Variants in SDAD1 observed in about 807,000 individuals in gnomAD.
The protein encoded by SDAD1 is SDA1 domain containing 1.
In SDAD1, 79 loss-of-function variants were observed where a neutral mutation model predicts 100.3. The observed-to-expected ratio is 0.79, with a 90% CI of 0.66 to 0.95. The LOEUF is 0.95. SDAD1 is among the 40% of genes least tolerant of loss of function. The pLI is 0.00. For missense variants in SDAD1, 790 were observed against 810.9 expected (o/e 0.97, Z 0.31); for synonymous variants, 267 against 271.4 (o/e 0.98, Z 0.16).
At chr4:75,982,157 CAA>C in intron 1 of SDAD1, 120 bp from the exon 2 acceptor site, 2 of 612,710 alleles carry the variant, frequency 3.3e-6, no homozygotes, top group South Asian at 4.5e-5. Flanking sequence ...AAAGATAATG[CAA>C]AAGTATATAA....
At chr4:75,966,463 G>A (rs953548387) in intron 12 of SDAD1, among the ~76,000 whole-genome samples, 2 of 152,154 alleles carry the variant, frequency 1.3e-5, no homozygotes, top group South Asian at 2.1e-4. Context: ...TTAATGTGAG[G>A]ATTAGACAAA....
rs563281125 is a variant in SDAD1, at chr4:75,957,631, A to G, written c.1656T>C (p.Thr552=). 3.7e-6 allele frequency: 6 copies of G among 1,614,168 alleles called. No homozygotes were observed. Among genetic ancestry groups the G allele is most frequent in the Admixed American group, 1.7e-5 (1 of 60,012 alleles). ...AAAISTSRVL[T]QEDFQKIRMA... ...TGCGGATTTTCTGGAAGTCTTCCTG[A>G]GTTAAAACTCGGCTAGTGCTGATGG... is the stretch of plus-strand genomic sequence containing the variant. Residue 552 remains threonine, a synonymous_variant, in exon 19 of 22, where the codon ACT becomes ACC. Transcript: ENST00000356260.
chr4:75,964,710 C>A (rs1729442095), intron 13 of SDAD1, among the ~76,000 whole-genome samples: 1 of 152,144 alleles, frequency 6.6e-6, no homozygotes, highest in East Asian at 1.9e-4. Context: ...GAAGCCATGG[C>A]AGAAGAACAT....
rs547696048 is a variant in SDAD1, at chr4:75,957,776, C to G, written c.1579-68G>C. The G allele has an allele frequency of 2.5e-6, 4 of 1,611,722 alleles. No individual in the cohort carries two copies. The African/African-American group carries it at 5.3e-5, about 22-fold the overall frequency. On this transcript the variant is annotated intron_variant, in intron 18 of 21. Transcript: ENST00000356260. ...AGAGCTCAGCCATTTAAATTGTAGC[C>G]TCCCAACAAGGCCCAGAATAAATTA...
chr4:75,975,087 T>C (rs1730085890), intron 6 of SDAD1, among the ~76,000 whole-genome samples: 2 of 151,616 alleles, frequency 1.3e-5, no homozygotes, highest in South Asian at 4.2e-4. Context: ...AAAACTGTAA[T>C]ACAGAAAAAT....
Position 75,965,696 on chromosome 4 carries a change from C to T in SDAD1, c.1104+68G>A, listed in dbSNP as rs888106029. 3 of 1,324,974 alleles carry T rather than the reference C, an allele frequency of 2.3e-6. No homozygotes were observed. The African/African-American group carries it at 4.4e-5, about 19-fold the overall frequency. The allele number at this position is 1,324,974 out of a possible 1,614,324, so 82.1% of individuals were successfully genotyped here. A position where few individuals can be genotyped will look rare whatever the true frequency, so the allele number is the denominator to read the frequency against. On this transcript the variant is annotated intron_variant, in intron 13 of 21. Transcript: ENST00000356260. The stretch of plus-strand genomic sequence containing the variant: ...TCGGGGGCAGGTTCCCCCGATAGAC[C>T]CTGAAGTACCTAACAGTAACACTGT...
intron 1 of SDAD1, among the ~76,000 whole-genome samples, chr4:75,984,028 G>T (rs1246141883): frequency 1.3e-5 from 2 of 151,948 alleles, no homozygotes; most frequent in African/African-American, 2.4e-5. Context: ...TTCCCAACAC[G>T]TTTTATTAAA....
At position 75,957,255 on chromosome 4, in the gene SDAD1, A is replaced by C. The variant is rs1338285150; in HGVS notation, c.1854+70T>G. 3.0e-6 allele frequency: 4 copies of C among 1,319,268 alleles called. No individual in the cohort carries two copies. The African/African-American group carries it at 5.9e-5, about 19-fold the overall frequency. 81.7% of individuals were successfully genotyped at this position (1,319,268 alleles called of 1,614,324 possible). ...TTAAAAATTGCCATTCTGTGGCTAT[A>C]CAAGTTCTGGCTTATGTTTCATTTT... On this transcript the variant is annotated intron_variant, in intron 20 of 21. Coordinates refer to ENST00000356260, the MANE Select transcript of SDAD1 (RefSeq NM_018115.4).
chr4:75,966,838 C>G (rs1052505336), intron 12 of SDAD1, among the ~76,000 whole-genome samples: 1 of 152,160 alleles, frequency 6.6e-6, no homozygotes, highest in African/African-American at 2.4e-5. Flanking sequence ...GGCACAATCT[C>G]GGCTCACAGC....
chr4:75,974,205 A>C, intron 6 of SDAD1, 72 bp from the exon 7 acceptor site: 2 of 1,176,428 alleles, frequency 1.7e-6, no homozygotes, highest in South Asian at 2.5e-5. Context: ...ACAATGGCAC[A>C]AAATAAATGA....
chr4:75,986,157 C>G lies in SDAD1; in HGVS notation c.91-4120G>C, dbSNP rs547691360. On this transcript the variant is annotated intron_variant, in intron 1 of 21. Transcript: ENST00000356260. ...TTTTAGAGCCAAGGTCCTGCTCTGTCGCCCAGGTTTCCGTGCAGTGGTGCT... is the reference window on the plus strand; with the variant it reads ...TTTTAGAGCCAAGGTCCTGCTCTGTGGCCCAGGTTTCCGTGCAGTGGTGCT... Among the ~76,000 whole-genome samples the G allele has an allele frequency of 5.9e-5, 9 of 152,136 alleles. No homozygotes were observed. In the South Asian group the frequency reaches 1.9e-3, roughly 32 times the overall value.
At chr4:75,970,220 G>T in intron 10 of SDAD1, 89 bp downstream of exon 10, 2 of 1,054,010 alleles carry the variant, frequency 1.9e-6, no homozygotes, top group Non-Finnish European at 2.9e-6. Context: ...AAATGCCAGG[G>T]ATCTTATATT....
chr4:75,960,969 A>C, intron 16 of SDAD1, 59 bp downstream of exon 16: 2 of 1,398,046 alleles, frequency 1.4e-6, no homozygotes, highest in Non-Finnish European at 2.0e-6. Context: ...AATTGTAGGA[A>C]ATTTCTCTCA....
chr4:75,965,950 C>T, intron 12 of SDAD1, 128 bp from the exon 13 acceptor site: 1 of 693,736 alleles, frequency 1.4e-6, no homozygotes, highest in East Asian at 2.8e-5. Context: ...AACACTCAAT[C>T]CCCAGATATC....
In SDAD1 at chr4:75,965,766, C is replaced by T; in HGVS notation, c.1102G>A (p.Glu368Lys). Reference sequence around the variant, plus strand: ...GAAGTCAGGTTACAGGTTCTCACCTCTGGGGGTACTAGGTGATGAGATGCT... The same window carrying T: ...GAAGTCAGGTTACAGGTTCTCACCTTTGGGGGTACTAGGTGATGAGATGCT... ...AQASHHLVPP[E>K]IIQSLLMTVA... Residue 368 changes from glutamate (E) to lysine (K), a missense_variant and splice_region_variant, in exon 13 of 22, where the codon GAG becomes AAG. Glu to Lys is a moderately conservative substitution (Grantham distance 56). Transcript: ENST00000356260. 1 of 1,613,224 alleles carries T rather than the reference C, an allele frequency of 6.2e-7. No homozygotes were observed. The highest frequency in any genetic ancestry group is 1.1e-5 in the South Asian group (1 of 91,054).
intron 13 of SDAD1, among the ~76,000 whole-genome samples, chr4:75,964,971 T>G (rs1326976212): frequency 6.6e-6 from 1 of 152,084 alleles, no homozygotes; most frequent in East Asian, 1.9e-4. Flanking sequence ...TTAAACAATA[T>G]GAAATCTTGA....
chr4:75,961,394 C>A, intron 14 of SDAD1, 86 bp from the exon 15 acceptor site: 1 of 994,580 alleles, frequency 1.0e-6, no homozygotes, highest in Non-Finnish European at 1.5e-6. Context: ...AAAAGATTAA[C>A]TCAAAAGGAA....
chr4:75,975,783 G>A lies in SDAD1; in HGVS notation c.539C>T (p.Ser180Phe), dbSNP rs1159078899. 2 of 1,613,922 alleles carry A rather than the reference G, an allele frequency of 1.2e-6. No homozygotes were observed. Among genetic ancestry groups the A allele is most frequent in the African/African-American group, 1.3e-5 (1 of 75,038 alleles). ...RDSNATAAKM[S>F]LDVMIELYRR... The stretch of plus-strand genomic sequence containing the variant: ...GTAGAGTTCAATCATTACATCTAAA[G>A]ACATCTTGGCTGCGGTTGCATTGCT... The change falls in exon 6 of 22, where the codon TCT becomes TTT. Residue 180 changes from serine to phenylalanine, a missense_variant. Coordinates refer to ENST00000356260, the MANE Select transcript of SDAD1 (RefSeq NM_018115.4).
At chr4:75,975,361 G>A (rs757607107) in intron 6 of SDAD1, among the ~76,000 whole-genome samples, 2 of 152,210 alleles carry the variant, frequency 1.3e-5, no homozygotes, top group African/African-American at 4.8e-5. Flanking sequence ...CAGAGCGGCA[G>A]AAGAGAGAGC....
Sources: gnomAD v4.1 joint callset for allele counts (sites outside exome capture counted in the v4.1 genomes callset) on GRCh38, gnomAD v4.1.1 for gene constraint, MANE v1.5 for transcripts, NCBI Gene and HGNC (gene_info 2026-07-23, HGNC 2026-07-21) for gene names.